Variants in ANO10 observed in about 807,000 individuals in gnomAD.
ANO10 encodes the protein anoctamin-10.
ANO10 carries 77 observed loss-of-function variants against 74.7 expected under a neutral mutation model. That is an observed-to-expected ratio of 1.03 (90% CI 0.86 to 1.25). The LOEUF is 1.25. Ranked by LOEUF, ANO10 falls within the 50% of genes most tolerant of loss-of-function variation. The pLI, the probability that ANO10 is intolerant of heterozygous loss-of-function variation, is 0.00. For missense variants in ANO10, 721 were observed against 778.1 expected, an observed-to-expected ratio of 0.93 and a Z score of 0.87; for synonymous variants, 279 against 284.9, an observed-to-expected ratio of 0.98 and a Z score of 0.21.
In ANO10 at chr3:43,553,537, CTCT is replaced by C. The variant is rs1225370816; in HGVS notation, c.1668+1738_1668+1740del. Among the ~76,000 whole-genome samples the C allele has an allele frequency of 5.3e-4, 54 of 102,696 alleles. No homozygotes were observed. In the South Asian group the frequency reaches 0.017, roughly 32 times the overall value. 67.4% of individuals were successfully genotyped at this position (102,696 alleles called of 152,430 possible). The stretch of plus-strand genomic sequence containing the variant: ...CTGTTGTTCAGACTGGATAATTTCT[CTCT>C]TTTTTTTTTTTTTTGAGATGGAGTC... On this transcript the variant is annotated intron_variant, in intron 10 of 12. Coordinates refer to ENST00000292246, the MANE Select transcript of ANO10 (RefSeq NM_018075.5).
chr3:43,415,578 C>T (rs1431493485), intron 12 of ANO10, among the ~76,000 whole-genome samples: 2 of 151,614 alleles, frequency 1.3e-5, no homozygotes, highest in Non-Finnish European at 2.9e-5. Context: ...TGCTCTGTCG[C>T]CCAGGCTGGA....
At chr3:43,684,863 T>C (rs1486727198) in intron 1 of ANO10, among the ~76,000 whole-genome samples, 4 of 151,994 alleles carry the variant, frequency 2.6e-5, no homozygotes, top group Admixed American at 1.3e-4. Context: ...TTCTCACTCA[T>C]AGGTGGGAAT....
chr3:43,650,568 T>C (rs2083776590), intron 1 of ANO10, among the ~76,000 whole-genome samples: 1 of 152,200 alleles, frequency 6.6e-6, no homozygotes, highest in African/African-American at 2.4e-5. Context: ...TTGCATAAGT[T>C]AGAAAAAACA....
At chr3:43,561,505 A>C in intron 8 of ANO10, 103 bp from the exon 9 acceptor site, 1 of 1,036,020 alleles carries the variant, frequency 9.7e-7, no homozygotes, top group Non-Finnish European at 1.4e-6. Context: ...TATAGCATAA[A>C]TACAATTATG....
intron 1 of ANO10, among the ~76,000 whole-genome samples, chr3:43,682,697 C>A (rs1012972043): frequency 2.6e-5 from 4 of 152,280 alleles, no homozygotes; most frequent in African/African-American, 9.6e-5. Context: ...TACTGGCAAA[C>A]CGAATCCAGC....
chr3:43,553,952 A>G (rs1262982258), intron 10 of ANO10, among the ~76,000 whole-genome samples: 1 of 152,178 alleles, frequency 6.6e-6, no homozygotes, highest in Non-Finnish European at 1.5e-5. Context: ...CACTTCTAAA[A>G]TATCAATGTG....
intron 3 of ANO10, 72 bp downstream of exon 3, chr3:43,600,312 T>A: frequency 7.0e-6 from 11 of 1,568,702 alleles, no homozygotes; most frequent in South Asian, 1.1e-5. Flanking sequence ...AGTTTGCTGA[T>A]CCCTGATCTA....
intron 12 of ANO10, among the ~76,000 whole-genome samples, chr3:43,414,012 G>A (rs540441636): frequency 1.3e-5 from 2 of 152,176 alleles, no homozygotes; most frequent in East Asian, 1.9e-4. Context: ...CACAAGGACC[G>A]AGACCTTTCC....
chr3:43,401,516 C>T (rs1308084375), intron 12 of ANO10, among the ~76,000 whole-genome samples: 1 of 152,182 alleles, frequency 6.6e-6, no homozygotes, highest in Admixed American at 6.5e-5. Context: ...GATCTAGCTG[C>T]TTACACACAG....
intron 11 of ANO10, among the ~76,000 whole-genome samples, chr3:43,449,679 G>A (rs2074765364): frequency 6.6e-6 from 1 of 152,032 alleles, no homozygotes; most frequent in Non-Finnish European, 1.5e-5. Flanking sequence ...ATACCACAAT[G>A]TCTTCATTAC....
chr3:43,460,422 C>T (rs1034915716), intron 11 of ANO10, among the ~76,000 whole-genome samples: 2 of 152,172 alleles, frequency 1.3e-5, no homozygotes, highest in Admixed American at 6.5e-5. Flanking sequence ...CTTTACTAAA[C>T]AAATTAAGTG....
chr3:43,577,721 C>G (rs1452751973), intron 5 of ANO10, among the ~76,000 whole-genome samples: 2 of 152,178 alleles, frequency 1.3e-5, no homozygotes, highest in Non-Finnish European at 2.9e-5. Flanking sequence ...CTGCTCTTCC[C>G]TACCCAGAGA....
chr3:43,595,469 AT>A (rs1490766876), intron 4 of ANO10, among the ~76,000 whole-genome samples: 19 of 152,194 alleles, frequency 1.2e-4, no homozygotes, highest in African/African-American at 4.3e-4. Context: ...ATGCCAATCA[AT>A]AAACATAATC....
chr3:43,520,859 T>A (rs2077923354), intron 11 of ANO10, among the ~76,000 whole-genome samples: 1 of 152,184 alleles, frequency 6.6e-6, no homozygotes, highest in Non-Finnish European at 1.5e-5. Flanking sequence ...ATAGATCAAT[T>A]GGAGAAGTAC....
At chr3:43,482,905 C>T (rs976570259) in intron 11 of ANO10, among the ~76,000 whole-genome samples, 3 of 152,176 alleles carry the variant, frequency 2.0e-5, no homozygotes, top group Non-Finnish European at 4.4e-5. Flanking sequence ...AGGAGCAAAG[C>T]TGTACCCTTG....
chr3:43,405,052 G>A (rs2092553034), intron 12 of ANO10, among the ~76,000 whole-genome samples: 1 of 152,184 alleles, frequency 6.6e-6, no homozygotes, highest in Admixed American at 6.5e-5. Flanking sequence ...ACAGTTTGAA[G>A]TAAACACAAA....
chr3:43,668,585 T>C (rs1319163364), intron 1 of ANO10, among the ~76,000 whole-genome samples: 2 of 152,162 alleles, frequency 1.3e-5, no homozygotes, highest in Admixed American at 1.3e-4. Context: ...CTTTGATCCA[T>C]CTTGAGTTGA....
chr3:43,397,479 C>A (rs1430831154), intron 12 of ANO10, among the ~76,000 whole-genome samples: 1 of 152,036 alleles, frequency 6.6e-6, no homozygotes, highest in Non-Finnish European at 1.5e-5. Context: ...CAGTTCAATC[C>A]TCTTGGGTCT....
At chr3:43,567,981 G>A (rs2149371133) in intron 7 of ANO10, among the ~76,000 whole-genome samples, 1 of 152,026 alleles carries the variant, frequency 6.6e-6, no homozygotes, top group African/African-American at 2.4e-5. Flanking sequence ...ATAAAAGGAT[G>A]GAGGAAGATC....
Sources: gnomAD v4.1 joint callset for allele counts (sites outside exome capture counted in the v4.1 genomes callset) on GRCh38, gnomAD v4.1.1 for gene constraint, MANE v1.5 for transcripts, NCBI Gene and HGNC (gene_info 2026-07-23, HGNC 2026-07-21) for gene names.